The following PASK variants were observed in gnomAD, a reference collection of about 807,000 sequenced individuals.
The protein encoded by PASK is PAS domain-containing serine/threonine-protein kinase.
PASK carries 110 observed loss-of-function variants against 121.0 expected under a neutral mutation model. The ratio of observed to expected loss-of-function variants is 0.91; its 90% CI spans 0.78 to 1.06. The LOEUF (loss-of-function observed/expected upper bound fraction) is 1.06. Ranked by LOEUF, PASK falls within the 50% of genes least tolerant of loss-of-function variation. PASK has a pLI of 0.00. For synonymous variants in PASK, 686 were observed against 717.8 expected (o/e 0.96, Z 0.71); for missense variants, 1,643 against 1,702.3 (o/e 0.97, Z 0.61).
upstream of PASK, chr2:241,149,839 C>A: frequency 6.7e-7 from 1 of 1,498,238 alleles, no homozygotes; most frequent in Non-Finnish European, 8.9e-7. Flanking sequence ...CTGGGAACGA[C>A]TTGCAAGGGG....
intron 15 of PASK, among the ~76,000 whole-genome samples, chr2:241,110,700 G>A (rs1255333573): frequency 6.6e-6 from 1 of 152,184 alleles, no homozygotes; most frequent in Non-Finnish European, 1.5e-5. Flanking sequence ...GGGGTGACAA[G>A]CCATGCAGCA....
Position 241,139,930 on chromosome 2 carries a change from C to A in PASK, c.555G>T (p.Glu185Asp). 1 of 1,614,210 alleles carries A rather than the reference C, an allele frequency of 6.2e-7. No homozygotes were observed. The highest frequency in any genetic ancestry group is 2.2e-5 in the East Asian group (1 of 44,894). The change falls in exon 4 of 18, where the codon GAG becomes GAT. Residue 185 changes from glutamate to aspartate, a missense_variant. Glu to Asp is a conservative substitution (Grantham distance 45). Around this residue, in one of 3 missense-constraint regions of PASK, gnomAD observed 1,176 missense variants for 1,162.2 expected, o/e 1.01. Transcript: ENST00000234040. ...DSDVVEALSE[E>D]HMEADGHAAV... ...CAGCGTGGCCGTCGGCCTCCATGTG[C>A]TCCTCGCTGAGGGCCTCCACCACAT...
chr2:241,128,684 T>G (rs540671811), intron 9 of PASK, among the ~76,000 whole-genome samples: 2 of 152,028 alleles, frequency 1.3e-5, no homozygotes, highest in African/African-American at 2.4e-5. Flanking sequence ...CTGGGCAACA[T>G]AGTGAGACCT....
chr2:241,146,755 G>A (rs2286326), intron 1 of PASK, among the ~76,000 whole-genome samples: 6,800 of 152,278 alleles, frequency 0.045, 689 homozygotes, highest in East Asian at 0.45. Context: ...TTTCAGGCAG[G>A]TGGTTCCCTC....
chr2:241,140,790 A>G (rs1189921220), intron 2 of PASK, 37 bp from the exon 3 acceptor site: 4 of 1,403,204 alleles, frequency 2.9e-6, no homozygotes, highest in Non-Finnish European at 4.0e-6. Flanking sequence ...TAGACTTCAC[A>G]CAGCTGCCAG....
rs567601292 is a variant in PASK, at chr2:241,133,692, A to G, written c.1307-662T>C. 19 of 158,186 alleles carry G rather than the reference A, an allele frequency of 1.2e-4. 2 individuals are homozygous for G. The South Asian group carries it at 3.4e-3, about 28-fold the overall frequency. 9.8% of individuals were successfully genotyped at this position (158,186 alleles called of 1,614,324 possible). A position where few individuals can be genotyped will look rare whatever the true frequency, so the allele number is the denominator to read the frequency against. ...GAGAAAGCAGCCTGCATTAGGAAGG[A>G]CCCTGGGAGGCCACGCACAGTGGCT... On this transcript the variant is annotated intron_variant, in intron 8 of 17. Transcript: ENST00000234040.
chr2:241,140,509 A>G lies in PASK; in HGVS notation c.429+12T>C. The G allele has an allele frequency of 1.9e-6, 3 of 1,559,970 alleles. No homozygotes were observed. Among genetic ancestry groups the G allele is most frequent in the Non-Finnish European group, 1.8e-6 (2 of 1,133,654 alleles). ...ACATCTACACAGCTGGATCTAAAAG[A>G]GAAGCAAATACCTCTGTGGTCTTGG... On this transcript the variant is annotated intron_variant, in intron 3 of 17. Coordinates refer to ENST00000234040, the MANE Select transcript of PASK (RefSeq NM_015148.4).
rs774441537 is a variant in PASK at position 241,124,081 on chromosome 2, G to A, written c.2772C>T (p.Phe924=). ...RVELQGPTPL[F]CCWLVKDLLH... is the part of the protein sequence containing the mutation. ...GGAGGTCTTTCACCAGCCAGCAGCA[G>A]AACAGAGGTGTGGGGCCCTGGAGCT... Residue 924 remains phenylalanine (F), a synonymous_variant, in exon 11 of 18, where the codon TTC becomes TTT. Coordinates refer to ENST00000234040, the MANE Select transcript of PASK (RefSeq NM_015148.4). 1.9e-6 allele frequency: 3 copies of A among 1,613,634 alleles called. No homozygotes were observed. Among genetic ancestry groups the A allele is most frequent in the Admixed American group, 1.7e-5 (1 of 60,000 alleles).
At chr2:241,114,939 C>A in intron 14 of PASK, 104 bp downstream of exon 14, 7 of 1,598,082 alleles carry the variant, frequency 4.4e-6, no homozygotes, top group South Asian at 2.2e-5. Flanking sequence ...AAGGCTAGAT[C>A]CAGCTCAGAG....
intron 12 of PASK, among the ~76,000 whole-genome samples, chr2:241,122,057 T>C (rs1342456896): frequency 3.9e-5 from 6 of 152,196 alleles, no homozygotes; most frequent in Non-Finnish European, 8.8e-5. Flanking sequence ...AACGTATTTG[T>C]AAATGAATGA....
intron 12 of PASK, chr2:241,118,930 A>G: frequency 9.7e-7 from 1 of 1,035,810 alleles, no homozygotes; most frequent in Non-Finnish European, 1.2e-6. Context: ...AAGTCCCAGC[A>G]CCCCAGTGAG....
rs747354036 is a variant in PASK at position 241,122,712 on chromosome 2, C to T, written c.3072+20G>A. On this transcript the variant is annotated intron_variant, in intron 12 of 17. Coordinates refer to ENST00000234040, the MANE Select transcript of PASK (RefSeq NM_015148.4). ...TGTGAAGTGGTGCCCGGCGCCACTCCCCCCCCACAGCCAGGTTACCTCCTT... is the reference window on the plus strand; with the variant it reads ...TGTGAAGTGGTGCCCGGCGCCACTCTCCCCCCACAGCCAGGTTACCTCCTT... 1 of 1,612,194 alleles carries T rather than the reference C, an allele frequency of 6.2e-7. No homozygotes were observed. The highest frequency in any genetic ancestry group is 8.5e-7 in the Non-Finnish European group (1 of 1,178,316).
chr2:241,115,503 A>C (rs1203120455), intron 12 of PASK, 90 bp from the exon 13 acceptor site: 2 of 1,498,940 alleles, frequency 1.3e-6, no homozygotes, highest in Admixed American at 1.7e-5. Context: ...CAAGCATCCC[A>C]TTACACCAGG....
Position 241,127,077 on chromosome 2 carries a change from T to A in PASK, c.1838A>T (p.Tyr613Phe). 1 of 1,614,046 alleles carries A rather than the reference T, an allele frequency of 6.2e-7. No individual in the cohort carries two copies. The highest frequency in any genetic ancestry group is 8.5e-7 in the Non-Finnish European group (1 of 1,180,010). Reference sequence around the variant, plus strand: ...CCACCACAAGCCCCATTCACTCCCATAGCAAGGGCAGTGCATCAGGAGGCT... The same window carrying A: ...CCACCACAAGCCCCATTCACTCCCAAAGCAAGGGCAGTGCATCAGGAGGCT... ...GGSLLMHCPC[Y>F]GSEWGLWWRS... Residue 613 changes from tyrosine to phenylalanine, a missense_variant, in exon 10 of 18, where the codon TAT (tyrosine) becomes TTT (phenylalanine). By Grantham distance (22) the Tyr-to-Phe change is conservative. Around this residue, in one of 3 missense-constraint regions of PASK, gnomAD observed 1,176 missense variants for 1,162.2 expected, o/e 1.01. Coordinates refer to ENST00000234040, the MANE Select transcript of PASK (RefSeq NM_015148.4).
chr2:241,130,666 T>C (rs1000622124), intron 9 of PASK, among the ~76,000 whole-genome samples: 7 of 152,038 alleles, frequency 4.6e-5, no homozygotes, highest in Non-Finnish European at 8.8e-5. Context: ...GTAGAGCAAA[T>C]AGAGCCAACA....
chr2:241,113,244 T>C (rs1475422237), intron 14 of PASK: 1 of 152,212 alleles, frequency 6.6e-6, no homozygotes, highest in Non-Finnish European at 1.5e-5. Flanking sequence ...GTTGATCTTT[T>C]GAGACAAATT....
upstream of PASK, chr2:241,149,687 T>C (rs766091099): frequency 6.5e-7 from 1 of 1,549,784 alleles, no homozygotes; most frequent in Admixed American, 1.9e-5. Flanking sequence ...TGCGGTTTCC[T>C]CCCGACTCGC....
At chr2:241,136,306 C>T (rs1207491718) in intron 7 of PASK, among the ~76,000 whole-genome samples, 1 of 152,268 alleles carries the variant, frequency 6.6e-6, no homozygotes, top group Non-Finnish European at 1.5e-5. Flanking sequence ...TTGGAGCAGA[C>T]ATCTGGCCTT....
chr2:241,106,757 TAAC>T (rs755203844), intron 17 of PASK, 34 bp from the exon 18 acceptor site: 3 of 1,606,596 alleles, frequency 1.9e-6, no homozygotes, highest in Non-Finnish European at 2.6e-6. Flanking sequence ...TATCACGTGC[TAAC>T]AACTTAAGGT....
Sources: gnomAD v4.1 joint callset for allele counts (sites outside exome capture counted in the v4.1 genomes callset) on GRCh38, gnomAD v4.1.1 for gene constraint, gnomAD v4.1.1 regional missense constraint, MANE v1.5 for transcripts, NCBI Gene and HGNC (gene_info 2026-07-23, HGNC 2026-07-21) for gene names.